Variants in SGTB observed in about 807,000 individuals in gnomAD.
The protein encoded by SGTB is small glutamine-rich tetratricopeptide repeat-containing protein beta.
Under a neutral mutation model 43.9 loss-of-function variants are expected in SGTB, and 19 were observed. The observed-to-expected ratio is 0.43, with a 90% CI of 0.30 to 0.63. SGTB has a LOEUF of 0.63. SGTB is among the 30% of genes least tolerant of loss of function. The pLI is 0.12. For missense variants in SGTB, 304 were observed against 358.9 expected (o/e 0.85, Z 1.24); for synonymous variants, 116 against 117.3 (o/e 0.99, Z 0.07).
intron 6 of SGTB, among the ~76,000 whole-genome samples, chr5:65,683,743 G>A (rs1425594602): frequency 2.0e-5 from 3 of 151,862 alleles, no homozygotes; most frequent in East Asian, 1.9e-4. Flanking sequence ...TCAGGAGATC[G>A]AGACCATCCT....
chr5:65,720,778 T>C lies in SGTB; in HGVS notation c.30A>G (p.Ala10=). Residue 10 remains alanine (A), a synonymous_variant, in exon 2 of 11, where the codon GCA becomes GCG. Transcript: ENST00000381007. ...TTTGTTCCCGTAAGAAACGAATAAC[T>C]GCATAAACCAGGTGCTTGATAGATG... MSSIKHLVY[A]VIRFLREQSQ... is the part of the protein sequence containing the mutation. 6.2e-7 allele frequency: 1 copy of C among 1,613,900 alleles called. No individual in the cohort carries two copies. Among genetic ancestry groups the C allele is most frequent in the Non-Finnish European group, 8.5e-7 (1 of 1,179,922 alleles).
At chr5:65,714,542 C>T (rs1758111848) in intron 2 of SGTB, among the ~76,000 whole-genome samples, 2 of 152,118 alleles carry the variant, frequency 1.3e-5, no homozygotes, top group Admixed American at 6.5e-5. Flanking sequence ...AGGCCAGGTT[C>T]GGTGGCTCAC....
At chr5:65,721,097 A>G (rs993851893) in intron 1 of SGTB, among the ~76,000 whole-genome samples, 1 of 152,262 alleles carries the variant, frequency 6.6e-6, no homozygotes, top group African/African-American at 2.4e-5. Context: ...CAAAACATGT[A>G]CAGCATAAGC....
At position 65,712,955 on chromosome 5, in the gene SGTB, A is replaced by G. The variant is rs766223036; in HGVS notation, c.204+6T>C. 1.2e-6 allele frequency: 2 copies of G among 1,605,782 alleles called. No individual in the cohort carries two copies. Among genetic ancestry groups the G allele is most frequent in the African/African-American group, 2.7e-5 (2 of 74,672 alleles). On this transcript the variant is annotated splice_donor_region_variant and intron_variant, in intron 3 of 10. Coordinates refer to ENST00000381007, the MANE Select transcript of SGTB (RefSeq NM_019072.3). ...AGTTAATAATGAGAAAATAATGACA[A>G]CATACCTTACAGAAGGAACTGGTAA...
chr5:65,691,875 G>T (rs1443619276), intron 5 of SGTB, among the ~76,000 whole-genome samples: 1 of 150,740 alleles, frequency 6.6e-6, no homozygotes, highest in African/African-American at 2.4e-5. Context: ...AGCTTGCAGT[G>T]AGCCGAGATC....
In SGTB at chr5:65,704,049, AAAATAAAT is replaced by A. The variant is rs1554025723; in HGVS notation, c.374+222_374+229del. ...AGACTCCGTCTCAAAAAAAAAAAAAAAAATAAATAAATAAATAAATAAATAAATTTATG... is the reference window on the plus strand; with the variant it reads ...AGACTCCGTCTCAAAAAAAAAAAAAAAAATAAATAAATAAATAAATTTATG... On this transcript the variant is annotated intron_variant, in intron 5 of 10. Coordinates refer to ENST00000381007, the MANE Select transcript of SGTB (RefSeq NM_019072.3). Among the ~76,000 whole-genome samples, 4 of 139,690 alleles carry A rather than the reference AAAATAAAT, an allele frequency of 2.9e-5. No individual in the cohort carries two copies. The East Asian group carries it at 6.4e-4, about 22-fold the overall frequency. The allele number at this position is 139,690 out of a possible 152,430, so 91.6% of individuals were successfully genotyped here.
chr5:65,702,363 TAAA>T (rs1178906308), intron 5 of SGTB, among the ~76,000 whole-genome samples: 1 of 151,900 alleles, frequency 6.6e-6, no homozygotes, highest in Non-Finnish European at 1.5e-5. Flanking sequence ...AAAATAAAAT[TAAA>T]TTAAAAAGCA....
At chr5:65,704,525 T>C in intron 4 of SGTB, 147 bp from the exon 5 acceptor site, 1 of 475,250 alleles carries the variant, frequency 2.1e-6, no homozygotes, top group Non-Finnish European at 3.6e-6. Flanking sequence ...TTTTACATTG[T>C]ACTATAGAGT....
chr5:65,713,092 C>A (rs768854534), intron 2 of SGTB, 28 bp from the exon 3 acceptor site: 2 of 1,521,558 alleles, frequency 1.3e-6, no homozygotes, highest in Middle Eastern at 1.7e-4. Context: ...TAGTAAAAAA[C>A]AATTAGCAAT....
At chr5:65,689,495 A>G (rs1214814409) in intron 5 of SGTB, among the ~76,000 whole-genome samples, 1 of 152,228 alleles carries the variant, frequency 6.6e-6, no homozygotes, top group Admixed American at 6.5e-5. Flanking sequence ...AACCAATATA[A>G]TTGTAATTTA....
At chr5:65,677,756 A>G (rs533373252) in intron 8 of SGTB, among the ~76,000 whole-genome samples, 8 of 152,324 alleles carry the variant, frequency 5.3e-5, no homozygotes, top group African/African-American at 1.9e-4. Context: ...GATTATCTCA[A>G]TAGATGCTGA....
Position 65,670,351 on chromosome 5 carries a change from C to T in SGTB, c.810G>A (p.Gln270=). The T allele has an allele frequency of 6.2e-7, 1 of 1,613,798 alleles. No homozygotes were observed. Among genetic ancestry groups the T allele is most frequent in the Non-Finnish European group, 8.5e-7 (1 of 1,179,694 alleles). The change falls in exon 11 of 11, where the codon CAG becomes CAA. Residue 270 remains glutamine, a synonymous_variant. Coordinates refer to ENST00000381007, the MANE Select transcript of SGTB (RefSeq NM_019072.3). ...TDLSSLIQAG[Q]QFAQQIQQQN... is the part of the protein sequence containing the mutation. The stretch of plus-strand genomic sequence containing the variant: ...GTTGCTGTATCTGCTGAGCAAACTG[C>T]TGTCCCCTGTAGTAAAGAGGCAATG...
chr5:65,698,416 C>G (rs1368001836), intron 5 of SGTB, among the ~76,000 whole-genome samples: 1 of 152,142 alleles, frequency 6.6e-6, no homozygotes, highest in East Asian at 1.9e-4. Context: ...CCACATTTTA[C>G]AGATAGGGAA....
intron 2 of SGTB, among the ~76,000 whole-genome samples, chr5:65,718,839 C>T (rs1336210801): frequency 7.0e-6 from 1 of 143,512 alleles, no homozygotes; most frequent in Non-Finnish European, 1.5e-5. Context: ...AAAAATAGGA[C>T]ATAACATCTT....
intron 5 of SGTB, among the ~76,000 whole-genome samples, chr5:65,686,082 C>T (rs967024035): frequency 1.3e-5 from 2 of 152,202 alleles, no homozygotes; most frequent in South Asian, 2.1e-4. Flanking sequence ...TCCTCAATAA[C>T]GTTTCCAAAT....
At chr5:65,674,193 T>C (rs1757218158) in intron 8 of SGTB, among the ~76,000 whole-genome samples, 1 of 44,016 alleles carries the variant, frequency 2.3e-5, no homozygotes, top group Non-Finnish European at 4.2e-5. Flanking sequence ...CTTCAGACAC[T>C]TCTCCTTTCC....
intron 8 of SGTB, among the ~76,000 whole-genome samples, chr5:65,679,956 A>G (rs1581247370): frequency 6.6e-6 from 1 of 152,390 alleles, no homozygotes; most frequent in Admixed American, 6.5e-5. Context: ...AATGCGGTAC[A>G]TATACACCAT....
At chr5:65,683,318 G>A (rs1757435075) in intron 6 of SGTB, among the ~76,000 whole-genome samples, 1 of 152,192 alleles carries the variant, frequency 6.6e-6, no homozygotes, top group Non-Finnish European at 1.5e-5. Flanking sequence ...GAGAGCATCA[G>A]AAGACACATT....
intron 2 of SGTB, among the ~76,000 whole-genome samples, chr5:65,713,760 G>A (rs1371939951): frequency 6.6e-6 from 1 of 152,130 alleles, no homozygotes; most frequent in Non-Finnish European, 1.5e-5. Flanking sequence ...AAGTGTGGTG[G>A]GTTACGCCTG....
Sources: gnomAD v4.1 joint callset for allele counts (sites outside exome capture counted in the v4.1 genomes callset) on GRCh38, gnomAD v4.1.1 for gene constraint, MANE v1.5 for transcripts, NCBI Gene and HGNC (gene_info 2026-07-23, HGNC 2026-07-21) for gene names.